The following RIMOC1 variants were observed in gnomAD, a reference collection of about 807,000 sequenced individuals.
RIMOC1 encodes the protein RAB7A interacting MON1-CCZ1 complex subunit 1.
At chr5:41,912,104 G>A in the RIMOC1 span, 1 of 1,611,568 alleles carries the variant, frequency 6.2e-7, no homozygotes, top group South Asian at 1.1e-5. Context: ...TGCTACAGAT[G>A]CTAAATTATC....
At chr5:41,917,266 A>G in the RIMOC1 span, 1 of 1,611,502 alleles carries the variant, frequency 6.2e-7, no homozygotes, top group South Asian at 1.1e-5. Context: ...ATGCAAAACA[A>G]ATTTTAAACT....
At chr5:41,916,439 T>G in the RIMOC1 span, 2 of 964,814 alleles carry the variant, frequency 2.1e-6, no homozygotes, top group Non-Finnish European at 2.5e-6. Flanking sequence ...CATACTCTCT[T>G]TTTTTCTGGT....
chr5:41,910,203 T>A, the RIMOC1 span, among the ~76,000 whole-genome samples: 1 of 152,122 alleles, frequency 6.6e-6, no homozygotes, highest in Non-Finnish European at 1.5e-5. Flanking sequence ...TCACTATTAA[T>A]CTAATTACCA....
At chr5:41,911,932 T>C in the RIMOC1 span, 2 of 649,318 alleles carry the variant, frequency 3.1e-6, no homozygotes, top group South Asian at 1.7e-5. Flanking sequence ...TTTATACCAT[T>C]GAAATAGAAT....
chr5:41,920,015 T>C, the RIMOC1 span: 2 of 152,186 alleles, frequency 1.3e-5, no homozygotes, highest in African/African-American at 4.8e-5. Context: ...TGCTATTGGA[T>C]TCCAAACTGC....
the RIMOC1 span, chr5:41,918,289 A>G: frequency 2.0e-6 from 2 of 985,724 alleles, no homozygotes; most frequent in African/African-American, 1.7e-5. Context: ...AAATTTCAGT[A>G]ACTGATAACT....
chr5:41,909,777 A>G, the RIMOC1 span: 2 of 1,578,428 alleles, frequency 1.3e-6, no homozygotes, highest in South Asian at 1.2e-5. Flanking sequence ...TTTGAGGAGA[A>G]CAAGCTAGTA....
At chr5:41,920,617 T>C in the RIMOC1 span, 2 of 152,124 alleles carry the variant, frequency 1.3e-5, no homozygotes, top group South Asian at 4.1e-4. Context: ...GCTAGTGTGA[T>C]AGGGAGAGGG....
the RIMOC1 span, among the ~76,000 whole-genome samples, chr5:41,905,870 A>G: frequency 6.6e-6 from 1 of 152,240 alleles, no homozygotes; most frequent in South Asian, 2.1e-4. Flanking sequence ...AAGGCTTTAT[A>G]CTTCTGAAAA....
the RIMOC1 span, among the ~76,000 whole-genome samples, chr5:41,905,240 T>C: frequency 6.6e-6 from 1 of 152,242 alleles, no homozygotes; most frequent in Non-Finnish European, 1.5e-5. Context: ...TCTTAAGCGA[T>C]TGAATAGTTG....
chr5:41,917,033 C>T, the RIMOC1 span: 3 of 1,592,734 alleles, frequency 1.9e-6, no homozygotes, highest in Non-Finnish European at 2.6e-6. Context: ...TAGTGACATT[C>T]ATCTGCTGGC....
the RIMOC1 span, chr5:41,909,728 C>CTTT: frequency 5.0e-5 from 62 of 1,248,858 alleles, no homozygotes; most frequent in South Asian, 9.6e-5. Flanking sequence ...AGATATCTTT[C>CTTT]TTTTTTTTTT....
At chr5:41,910,483 T>G in the RIMOC1 span, among the ~76,000 whole-genome samples, 1 of 151,938 alleles carries the variant, frequency 6.6e-6, no homozygotes. Flanking sequence ...ATCCTATGAT[T>G]TGTATATCTA....
At chr5:41,914,499 A>ACAAAACAAAACAAAC in the RIMOC1 span, among the ~76,000 whole-genome samples, 10 of 129,268 alleles carry the variant, frequency 7.7e-5, no homozygotes, top group African/African-American at 2.8e-4. Flanking sequence ...ACAAAACAAA[A>ACAAAACAAAACAAAC]CAAACATAAG....
At chr5:41,907,512 A>C in the RIMOC1 span, among the ~76,000 whole-genome samples, 2 of 152,242 alleles carry the variant, frequency 1.3e-5, no homozygotes, top group Admixed American at 1.3e-4. Context: ...AGTTTTCAGT[A>C]TTTTGCTTTG....
the RIMOC1 span, among the ~76,000 whole-genome samples, chr5:41,913,700 A>G: frequency 1.3e-5 from 2 of 152,180 alleles, no homozygotes; most frequent in African/African-American, 2.4e-5. Context: ...TTTCTTTGTT[A>G]GCCTCTCCTG....
At chr5:41,908,901 C>T in the RIMOC1 span, among the ~76,000 whole-genome samples, 14 of 152,118 alleles carry the variant, frequency 9.2e-5, no homozygotes, top group African/African-American at 3.1e-4. Flanking sequence ...TCCTTACTGG[C>T]TTAGGCCTTT....
chr5:41,921,537 T>C, the RIMOC1 span: 1 of 152,150 alleles, frequency 6.6e-6, no homozygotes, highest in Non-Finnish European at 1.5e-5. Flanking sequence ...ATTATGTATT[T>C]ATGCTGGTGT....
At chr5:41,919,351 T>C in the RIMOC1 span, 1 of 152,172 alleles carries the variant, frequency 6.6e-6, no homozygotes, top group African/African-American at 2.4e-5. Context: ...TCTAGTCCAG[T>C]GTTGCTCAAA....
Sources: gnomAD v4.1 joint callset for allele counts (sites outside exome capture counted in the v4.1 genomes callset) on GRCh38, gnomAD v4.1.1 for gene constraint, MANE v1.5 for transcripts, NCBI Gene and HGNC (gene_info 2026-07-23, HGNC 2026-07-21) for gene names.